RNF166: variants seen among roughly 807,000 people sequenced by gnomAD.
RNF166 encodes the protein E3 ubiquitin-protein ligase RNF166.
A neutral mutation model predicts 29.4 loss-of-function variants in RNF166; 19 were observed. The ratio of observed to expected loss-of-function variants is 0.65; its 90% CI spans 0.45 to 0.95. RNF166 has a LOEUF of 0.95. Among genes scored for constraint, RNF166 ranks in the 40% least tolerant of loss-of-function variants. The pLI is 0.00. For synonymous variants in RNF166, 171 were observed against 134.5 expected (o/e 1.27, Z -1.88); for missense variants, 347 against 322.1 (o/e 1.08, Z -0.59).
chr16:88,703,171 A>G, intron 1 of RNF166: 1 of 984,138 alleles, frequency 1.0e-6, no homozygotes, highest in Non-Finnish European at 1.2e-6. Flanking sequence ...AGTGACCAGA[A>G]AGCAGACGGG....
chr16:88,700,577 C>T (rs1910115954), intron 2 of RNF166: 13 of 985,104 alleles, frequency 1.3e-5, no homozygotes, highest in Non-Finnish European at 1.6e-5. Context: ...ACTTATTCAC[C>T]TGAGATGTGG....
At chr16:88,705,040 AAGTG>A (rs1462964111) in intron 1 of RNF166, among the ~76,000 whole-genome samples, 1 of 152,214 alleles carries the variant, frequency 6.6e-6, no homozygotes, top group Non-Finnish European at 1.5e-5. Flanking sequence ...TGTCACGGCT[AAGTG>A]AGATGGAGGA....
At position 88,699,667 on chromosome 16, in the gene RNF166, G is replaced by T. The variant is rs1910009697; in HGVS notation, c.378C>A (p.Asn126Lys). The T allele has an allele frequency of 1.9e-6, 3 of 1,613,462 alleles. No homozygotes were observed. Among genetic ancestry groups the T allele is most frequent in the Admixed American group, 1.7e-5 (1 of 60,002 alleles). The change falls in exon 3 of 6, where the codon AAC becomes AAA. Residue 126 changes from asparagine to lysine, a missense_variant. By Grantham distance (94) the Asn-to-Lys change is moderately conservative. Transcript: ENST00000312838. ...GCACCACGGGGACGAACTTGGGGCAGTTGGCCATCTGCTCCTGGACCTTCA... is the reference window on the plus strand; with the variant it reads ...GCACCACGGGGACGAACTTGGGGCATTTGGCCATCTGCTCCTGGACCTTCA... ...SCLKVQEQMA[N>K]CPKFVPVVPT... is the part of the protein sequence containing the mutation.
chr16:88,697,773 C>T, intron 5 of RNF166, 140 bp from the exon 6 acceptor site: 1 of 659,546 alleles, frequency 1.5e-6, no homozygotes, highest in African/African-American at 1.8e-5. Context: ...TCCACTGTCC[C>T]CACAGGCTCG....
chr16:88,702,234 T>C (rs1910319616), intron 1 of RNF166, among the ~76,000 whole-genome samples: 1 of 152,108 alleles, frequency 6.6e-6, no homozygotes, highest in Non-Finnish European at 1.5e-5. Context: ...GAGCCCCCAG[T>C]GCAAACACAG....
intron 1 of RNF166, chr16:88,703,114 G>A (rs1910427397): frequency 2.7e-5 from 27 of 985,414 alleles, no homozygotes; most frequent in African/African-American, 5.2e-5. Context: ...CGTCCCACCC[G>A]TGTCGTGGGG....
chr16:88,706,150 C>T, intron 1 of RNF166, 21 bp downstream of exon 1: 1 of 1,171,584 alleles, frequency 8.5e-7, no homozygotes, highest in East Asian at 4.3e-5. Flanking sequence ...CTCCCCGCGG[C>T]CCCTGGGCGG....
intron 1 of RNF166, chr16:88,703,493 C>T (rs765094331): frequency 8.1e-6 from 8 of 985,330 alleles, no homozygotes; most frequent in African/African-American, 1.7e-5. Flanking sequence ...GAACCCAGCC[C>T]GACTGGCAGG....
At chr16:88,704,158 A>T in intron 1 of RNF166, 1 of 985,452 alleles carries the variant, frequency 1.0e-6, no homozygotes, top group Non-Finnish European at 1.2e-6. Context: ...TGCGGAGGGG[A>T]CAGAACCAGA....
At chr16:88,700,359 G>A (rs961146580) in intron 2 of RNF166, among the ~76,000 whole-genome samples, 4 of 152,110 alleles carry the variant, frequency 2.6e-5, no homozygotes, top group Non-Finnish European at 5.9e-5. Context: ...ACGGGAGGCC[G>A]CTCTGCATGT....
intron 2 of RNF166, 99 bp from the exon 3 acceptor site, chr16:88,699,831 A>C: frequency 1.3e-6 from 1 of 769,992 alleles, no homozygotes; most frequent in Non-Finnish European, 2.1e-6. Flanking sequence ...GAGAACTGTA[A>C]GCAAGCGTCT....
At chr16:88,701,707 G>T in intron 1 of RNF166, 1 of 368,736 alleles carries the variant, frequency 2.7e-6, no homozygotes, top group Non-Finnish European at 4.9e-6. Flanking sequence ...GGCCAGAGGA[G>T]CTCCCATAGG....
chr16:88,701,170 G>C lies in RNF166; in HGVS notation c.312+92C>G, dbSNP rs939711081. On this transcript the variant is annotated intron_variant, in intron 2 of 5. Transcript: ENST00000312838. ...CCGCGATTACTCAACAGGAAAGAGA[G>C]AGGGCCCCGGCCCCCACCCTCTGCA... 1.6e-5 allele frequency: 24 copies of C among 1,508,748 alleles called. No homozygotes were observed. The African/African-American group carries it at 3.0e-4, about 19-fold the overall frequency. The allele number at this position is 1,508,748 out of a possible 1,614,324, so 93.5% of individuals were successfully genotyped here. A position where few individuals can be genotyped will look rare whatever the true frequency, so the allele number is the denominator to read the frequency against.
At chr16:88,702,842 T>C in intron 1 of RNF166, 4 of 985,490 alleles carry the variant, frequency 4.1e-6, no homozygotes, top group Non-Finnish European at 2.4e-6. Context: ...ACCCCTGGAT[T>C]TGAGCCGGGG....
intron 1 of RNF166, among the ~76,000 whole-genome samples, chr16:88,704,858 C>G (rs550795539): frequency 6.6e-6 from 1 of 152,116 alleles, no homozygotes; most frequent in Admixed American, 6.5e-5. Flanking sequence ...GGCGTGGTGG[C>G]GGGTGCCTGT....
At chr16:88,699,768 A>T in intron 2 of RNF166, 36 bp from the exon 3 acceptor site, 1 of 1,525,508 alleles carries the variant, frequency 6.6e-7, no homozygotes. Flanking sequence ...GGCGGTCCTG[A>T]GAATCTGGAA....
intron 1 of RNF166, chr16:88,703,301 C>G (rs1163571217): frequency 1.0e-6 from 1 of 985,352 alleles, no homozygotes; most frequent in Non-Finnish European, 1.2e-6. Context: ...GGTGCACCTC[C>G]TGAGTGAACC....
chr16:88,702,180 C>CG (rs2142658138), intron 1 of RNF166, among the ~76,000 whole-genome samples: 1 of 152,386 alleles, frequency 6.6e-6, no homozygotes, highest in African/African-American at 2.4e-5. Flanking sequence ...CGCACACAGC[C>CG]CTTGGAGGGG....
intron 2 of RNF166, 59 bp downstream of exon 2, chr16:88,701,203 T>G: frequency 6.2e-7 from 1 of 1,600,700 alleles, no homozygotes; most frequent in Non-Finnish European, 8.5e-7. Flanking sequence ...GCAGAACCCG[T>G]GGGCTGAGGC....
Sources: allele counts gnomAD v4.1 joint callset (sites outside exome capture counted in the v4.1 genomes callset), GRCh38; gene constraint gnomAD v4.1.1; transcripts MANE v1.5; gene names NCBI Gene and HGNC (gene_info 2026-07-23, HGNC 2026-07-21).